The following AP5M1 variants were observed in gnomAD, a reference collection of about 807,000 sequenced individuals.
The protein encoded by AP5M1 is adaptor related protein complex 5 subunit mu 1.
AP5M1 carries 44 observed loss-of-function variants against 52.3 expected under a neutral mutation model. The ratio of observed to expected loss-of-function variants is 0.84; its 90% confidence interval spans 0.66 to 1.08. The LOEUF (loss-of-function observed/expected upper bound fraction) is 1.08. Among genes scored for constraint, AP5M1 ranks in the 50% least tolerant of loss-of-function variants. AP5M1 has a pLI of 0.00. For synonymous variants in AP5M1, 213 were observed against 199.0 expected, an observed-to-expected ratio of 1.07 and a Z score of -0.59; for missense variants, 526 against 568.4, an observed-to-expected ratio of 0.93 and a Z score of 0.76.
chr14:57,273,542 G>T (rs986552081), intron 1 of AP5M1, among the ~76,000 whole-genome samples: 2 of 152,178 alleles, frequency 1.3e-5, no homozygotes, highest in African/African-American at 4.8e-5. Context: ...ATAAGCAAAA[G>T]CATCTTCTGT....
At position 57,274,346 on chromosome 14, in the gene AP5M1, T is replaced by C; in HGVS notation, c.177T>C (p.Leu59=). 6.2e-7 allele frequency: 1 copy of C among 1,614,180 alleles called. No individual in the cohort carries two copies. The highest frequency in any genetic ancestry group is 8.5e-7 in the Non-Finnish European group (1 of 1,180,024). The part of the protein sequence containing the change: ...GPFLKALLFE[L]RLLDDDKDFV... ...TTCTTAAAGCACTGCTCTTTGAACT[T>C]AGATTATTGGATGATGATAAAGACT... Residue 59 remains leucine (L), a synonymous_variant, in exon 2 of 8, where the codon CTT becomes CTC. Transcript: ENST00000261558.
intron 1 of AP5M1, among the ~76,000 whole-genome samples, chr14:57,269,958 G>A (rs868177572): frequency 1.1e-4 from 17 of 152,026 alleles, no homozygotes; most frequent in Non-Finnish European, 1.0e-4. Context: ...ACAGGCACCC[G>A]CCACCACGCC....
At chr14:57,287,018 C>T (rs747577401) in intron 7 of AP5M1, among the ~76,000 whole-genome samples, 5 of 151,660 alleles carry the variant, frequency 3.3e-5, no homozygotes, top group African/African-American at 4.9e-5. Context: ...CACACACACA[C>T]ACACACACGA....
At position 57,295,297 on chromosome 14, in the gene AP5M1, A is replaced by G. The variant is rs1338516715; in HGVS notation, c.*6413A>G. 6.6e-6 allele frequency: 1 copy of G among 151,938 alleles called. No homozygotes were observed. Among genetic ancestry groups the G allele is most frequent in the Non-Finnish European group, 1.5e-5 (1 of 67,890 alleles). 9.4% of individuals were successfully genotyped at this position (151,938 alleles called of 1,614,324 possible). ...AATTAATAGAAATAGATCTTTTTGC[A>G]AGCAACATAATGATTCTGATCATCA... On this transcript the variant is annotated 3_prime_UTR_variant, in exon 8 of 8. Transcript: ENST00000261558.
intron 1 of AP5M1, among the ~76,000 whole-genome samples, chr14:57,270,395 C>T (rs1884858776): frequency 6.6e-6 from 1 of 151,932 alleles, no homozygotes; most frequent in South Asian, 2.1e-4. Context: ...TTCGTTCTTC[C>T]CTGAAGAAAG....
rs1885219456 is a variant in AP5M1 at position 57,282,989 on chromosome 14, C to T, written c.1144C>T (p.Arg382Ter). Residue 382 changes from arginine (R) to a stop codon, truncating the protein, a stop_gained, in exon 5 of 8, where the codon CGA becomes TGA. Coordinates refer to ENST00000261558, the MANE Select transcript of AP5M1 (RefSeq NM_018229.4). LOFTEE classifies it high-confidence loss of function. ...KTSFGQLEVF[R>*]EKSLLIWIIG... is the part of the protein sequence containing the mutation. ...TAGTTTTGGCCAGCTTGAAGTATTT[C>T]GAGAGAAAAGCTTATTGATCTGGAT... 3 of 1,599,470 alleles carry T rather than the reference C, an allele frequency of 1.9e-6. No homozygotes were observed. Among genetic ancestry groups the T allele is most frequent in the Admixed American group, 1.7e-5 (1 of 59,000 alleles).
rs1020355999 is a variant in AP5M1, at chr14:57,297,572, G to A, written c.*8688G>A. 6.6e-6 allele frequency: 1 copy of A among 152,146 alleles called. No homozygotes were observed. Among genetic ancestry groups the A allele is most frequent in the Admixed American group, 6.6e-5 (1 of 15,262 alleles). The allele number at this position is 152,146 out of a possible 1,614,324, so 9.4% of individuals were successfully genotyped here. A position where few individuals can be genotyped will look rare whatever the true frequency, so the allele number is the denominator to read the frequency against. On this transcript the variant is annotated 3_prime_UTR_variant, in exon 8 of 8. Coordinates refer to ENST00000261558, the MANE Select transcript of AP5M1 (RefSeq NM_018229.4). ...ATTCTTAGCCTTGTTTATTTTGAAT[G>A]TATGTGTGTGTGTGTGCATGTGTGG...
rs2139705904 is a variant in AP5M1 at position 57,297,360 on chromosome 14, A to C, written c.*8476A>C. ...GTATGAGATTTACCTCTGCCTTATC[A>C]GTGAAGAAAATATGATGTCTATATA... On this transcript the variant is annotated 3_prime_UTR_variant, in exon 8 of 8. Transcript: ENST00000261558. The C allele has an allele frequency of 6.6e-6, 1 of 152,186 alleles. No homozygotes were observed. The highest frequency in any genetic ancestry group is 2.4e-5 in the African/African-American group (1 of 41,540). 9.4% of individuals were successfully genotyped at this position (152,186 alleles called of 1,614,324 possible).
intron 7 of AP5M1, among the ~76,000 whole-genome samples, chr14:57,287,274 G>T (rs570637401): frequency 6.6e-6 from 1 of 151,620 alleles, no homozygotes; most frequent in Admixed American, 6.6e-5. Flanking sequence ...TAAGGATTAG[G>T]GTTCCTAAAA....
Position 57,297,871 on chromosome 14 carries a change from T to C in AP5M1, c.*8987T>C, listed in dbSNP as rs1885584231. ...GTAATTAGGGTTTTGCATGTGTATATAGAAAGGCTATTTTGCAAACAGTGG... is the reference window on the plus strand; with the variant it reads ...GTAATTAGGGTTTTGCATGTGTATACAGAAAGGCTATTTTGCAAACAGTGG... On this transcript the variant is annotated 3_prime_UTR_variant, in exon 8 of 8. Coordinates refer to ENST00000261558, the MANE Select transcript of AP5M1 (RefSeq NM_018229.4). The C allele has an allele frequency of 6.6e-6, 1 of 152,176 alleles. No homozygotes were observed. The highest frequency in any genetic ancestry group is 1.5e-5 in the Non-Finnish European group (1 of 68,030). 9.4% of individuals were successfully genotyped at this position (152,176 alleles called of 1,614,324 possible).
intron 1 of AP5M1, among the ~76,000 whole-genome samples, chr14:57,270,489 T>C (rs990212369): frequency 5.3e-5 from 8 of 152,208 alleles, no homozygotes; most frequent in Non-Finnish European, 1.2e-4. Flanking sequence ...TGGTTGGCAA[T>C]GGGGATATGA....
rs747261185 is a variant in AP5M1, at chr14:57,274,759, C to A, written c.590C>A (p.Ala197Asp). The A allele has an allele frequency of 1.9e-6, 3 of 1,614,006 alleles. No individual in the cohort carries two copies. The highest frequency in any genetic ancestry group is 2.5e-6 in the Non-Finnish European group (3 of 1,180,026). ...GTGACTCAGCCACAGAAACAGCCAG[C>A]TTGGAAAACTGGGACGTACAAAGGA... is the stretch of plus-strand genomic sequence containing the variant. ...ASVTQPQKQP[A>D]WKTGTYKGKP... The change falls in exon 2 of 8, where the codon GCT becomes GAT. Residue 197 changes from alanine to aspartate, a missense_variant. By Grantham distance (126) the Ala-to-Asp change is moderately radical (BLOSUM62 -2). Coordinates refer to ENST00000261558, the MANE Select transcript of AP5M1 (RefSeq NM_018229.4).
In AP5M1 at chr14:57,291,442, T is replaced by C. The variant is rs982965975; in HGVS notation, c.*2558T>C. 2 of 151,868 alleles carry C rather than the reference T, an allele frequency of 1.3e-5. No individual in the cohort carries two copies. The highest frequency in any genetic ancestry group is 4.8e-5 in the African/African-American group (2 of 41,416). The allele number at this position is 151,868 out of a possible 1,614,324, so 9.4% of individuals were successfully genotyped here. A position where few individuals can be genotyped will look rare whatever the true frequency, so the allele number is the denominator to read the frequency against. ...AGATCGTTCATGATTTTGTAAACGC[T>C]TCTTTTCTCCATTTTTTACTAAACA... On this transcript the variant is annotated 3_prime_UTR_variant, in exon 8 of 8. Coordinates refer to ENST00000261558, the MANE Select transcript of AP5M1 (RefSeq NM_018229.4).
chr14:57,288,748 C>A, intron 7 of AP5M1, 54 bp from the exon 8 acceptor site: 1 of 1,089,992 alleles, frequency 9.2e-7, no homozygotes, highest in Non-Finnish European at 1.4e-6. Context: ...ACTTTGCTCT[C>A]GTTGAATTTT....
At chr14:57,286,170 T>G (rs1445478677) in intron 6 of AP5M1, 53 bp from the exon 7 acceptor site, 40 of 1,227,440 alleles carry the variant, frequency 3.3e-5, no homozygotes, top group Non-Finnish European at 4.3e-5. Flanking sequence ...AATGTAACCA[T>G]GCTTTTTACC....
chr14:57,275,757 A>T (rs185530645), intron 2 of AP5M1, among the ~76,000 whole-genome samples: 1 of 152,342 alleles, frequency 6.6e-6, no homozygotes, highest in African/African-American at 2.4e-5. Flanking sequence ...ACAAGTCGTT[A>T]GGTTAATATT....
Position 57,297,464 on chromosome 14 carries a change from A to G in AP5M1, c.*8580A>G, listed in dbSNP as rs1885576007. ...ATGCTAATGTGTCTTAGATTTACCA[A>G]CTATCCTAATGTGTAGTCAATTGAT... On this transcript the variant is annotated 3_prime_UTR_variant, in exon 8 of 8. Coordinates refer to ENST00000261558, the MANE Select transcript of AP5M1 (RefSeq NM_018229.4). The G allele has an allele frequency of 6.6e-6, 1 of 152,144 alleles. No individual in the cohort carries two copies. Among genetic ancestry groups the G allele is most frequent in the South Asian group, 2.1e-4 (1 of 4,834 alleles). 9.4% of individuals were successfully genotyped at this position (152,144 alleles called of 1,614,324 possible).
Position 57,291,753 on chromosome 14 carries a change from A to G in AP5M1, c.*2869A>G, listed in dbSNP as rs1228194485. Reference sequence around the variant, plus strand: ...TGATTTAAGATCTTTCAAGGCAGACATTTATACTTGGTAACAATTGCCAAT... The same window carrying G: ...TGATTTAAGATCTTTCAAGGCAGACGTTTATACTTGGTAACAATTGCCAAT... On this transcript the variant is annotated 3_prime_UTR_variant, in exon 8 of 8. Coordinates refer to ENST00000261558, the MANE Select transcript of AP5M1 (RefSeq NM_018229.4). 6.6e-6 allele frequency: 1 copy of G among 151,852 alleles called. No homozygotes were observed. The highest frequency in any genetic ancestry group is 1.5e-5 in the Non-Finnish European group (1 of 67,846). The allele number at this position is 151,852 out of a possible 1,614,324, so 9.4% of individuals were successfully genotyped here.
chr14:57,281,798 T>G (rs1419947202), intron 3 of AP5M1, among the ~76,000 whole-genome samples: 1 of 152,232 alleles, frequency 6.6e-6, no homozygotes, highest in Non-Finnish European at 1.5e-5. Context: ...GTAATCAGTA[T>G]GCCTACTGCA....
Sources: gnomAD v4.1 joint callset for allele counts (sites outside exome capture counted in the v4.1 genomes callset) on GRCh38, gnomAD v4.1.1 for gene constraint, MANE v1.5 for transcripts, NCBI Gene and HGNC (gene_info 2026-07-23, HGNC 2026-07-21) for gene names.